The following MBNL2 variants were observed in gnomAD, a reference collection of about 807,000 sequenced individuals.
The protein encoded by MBNL2 is muscleblind-like protein 2.
MBNL2 carries 17 observed loss-of-function variants against 41.9 expected under a neutral mutation model. That is an observed-to-expected ratio of 0.41 (90% CI 0.28 to 0.61). The LOEUF is 0.61. Ranked by LOEUF, MBNL2 falls within the 20% of genes least tolerant of loss-of-function variation. The probability of loss-of-function intolerance (pLI) is 0.35; values close to 1 mark genes in which losing one functional copy is unlikely to be tolerated. For synonymous variants in MBNL2, 195 were observed against 182.9 expected, an observed-to-expected ratio of 1.07 and a Z score of -0.53; for missense variants, 336 against 505.6, an observed-to-expected ratio of 0.66 and a Z score of 3.22.
At chr13:97,379,495 T>C (rs1290051745) in intron 8 of MBNL2, among the ~76,000 whole-genome samples, 1 of 152,006 alleles carries the variant, frequency 6.6e-6, no homozygotes, top group African/African-American at 2.4e-5. Flanking sequence ...ACAACACTAG[T>C]TGAGGATGAA....
At chr13:97,296,661 T>A (rs561845767) in intron 2 of MBNL2, among the ~76,000 whole-genome samples, 1 of 152,282 alleles carries the variant, frequency 6.6e-6, no homozygotes, top group South Asian at 2.1e-4. Flanking sequence ...CCATTTAAAT[T>A]TGAGCTAGTT....
intron 3 of MBNL2, among the ~76,000 whole-genome samples, chr13:97,342,288 T>C (rs1390730702): frequency 1.3e-5 from 2 of 152,168 alleles, no homozygotes; most frequent in African/African-American, 4.8e-5. Flanking sequence ...TTAATAAGAT[T>C]CTGTATGCTC....
the MBNL2 span, among the ~76,000 whole-genome samples, chr13:97,160,067 C>A: frequency 2.0e-5 from 3 of 152,210 alleles, no homozygotes; most frequent in African/African-American, 4.8e-5. Flanking sequence ...TTCACATAGT[C>A]CCATATTTCT....
chr13:97,237,017 G>A (rs568588121), intron 1 of MBNL2, among the ~76,000 whole-genome samples: 15 of 152,236 alleles, frequency 9.9e-5, no homozygotes, highest in African/African-American at 3.1e-4. Context: ...CTTTTCTGGC[G>A]GTGTAGCCCT....
intron 1 of MBNL2, among the ~76,000 whole-genome samples, chr13:97,258,054 G>T (rs777080289): frequency 1.3e-5 from 2 of 152,306 alleles, no homozygotes; most frequent in South Asian, 4.1e-4. Flanking sequence ...AGCGCCCCCC[G>T]TCTGGGAGGA....
chr13:97,331,711 A>G (rs886272148), intron 2 of MBNL2, among the ~76,000 whole-genome samples: 12 of 152,208 alleles, frequency 7.9e-5, no homozygotes, highest in African/African-American at 2.9e-4. Context: ...TGTTATAAGG[A>G]GAAAATGAGA....
chr13:97,150,944 G>A, the MBNL2 span, among the ~76,000 whole-genome samples: 1 of 152,150 alleles, frequency 6.6e-6, no homozygotes, highest in African/African-American at 2.4e-5. Context: ...CTTTCAGTTA[G>A]ACTTTTGGAT....
chr13:97,294,047 T>C (rs2056632001), intron 2 of MBNL2, among the ~76,000 whole-genome samples: 1 of 152,152 alleles, frequency 6.6e-6, no homozygotes, highest in Non-Finnish European at 1.5e-5. Context: ...TTTCCTGATA[T>C]ATCTTGTTTC....
chr13:97,275,238 T>G (rs1314186850), intron 1 of MBNL2, among the ~76,000 whole-genome samples: 1 of 152,168 alleles, frequency 6.6e-6, no homozygotes, highest in Non-Finnish European at 1.5e-5. Context: ...CTTTATTACA[T>G]AGGAGGGACA....
chr13:97,144,956 C>T, the MBNL2 span, among the ~76,000 whole-genome samples: 1 of 152,184 alleles, frequency 6.6e-6, no homozygotes, highest in Non-Finnish European at 1.5e-5. Context: ...TATTTGAACC[C>T]TCTAAACTTA....
At chr13:97,301,815 G>GA in intron 2 of MBNL2, among the ~76,000 whole-genome samples, 1 of 152,320 alleles carries the variant, frequency 6.6e-6, no homozygotes. Context: ...TGCTGACCAA[G>GA]AGTCCTACAA....
chr13:97,202,371 G>A, the MBNL2 span, among the ~76,000 whole-genome samples: 1 of 152,292 alleles, frequency 6.6e-6, no homozygotes, highest in African/African-American at 2.4e-5. Context: ...TCTGGTGTCA[G>A]ATGGGCCAGA....
chr13:97,191,816 T>C, the MBNL2 span, among the ~76,000 whole-genome samples: 2 of 152,224 alleles, frequency 1.3e-5, no homozygotes, highest in African/African-American at 4.8e-5. Flanking sequence ...GGGAGCCCTC[T>C]GCAGCTGCTC....
In MBNL2 at chr13:97,346,150, G is replaced by A. The variant is rs1211269189; in HGVS notation, c.541-654G>A. On this transcript the variant is annotated intron_variant, in intron 4 of 8. Transcript: ENST00000679496. The surrounding 1 kb of genome is among the most constrained non-coding windows in gnomAD (Gnocchi z 4.2). ...GGCTGGATGGACGGATAGATAGATG[G>A]TAGGTAGGTAGATAGATGATAGATA... Among the ~76,000 whole-genome samples the A allele has an allele frequency of 1.3e-5, 2 of 152,074 alleles. No homozygotes were observed. Among genetic ancestry groups the A allele is most frequent in the African/African-American group, 2.4e-5 (1 of 41,380 alleles).
chr13:97,268,479 C>A lies in MBNL2; in HGVS notation c.-604-7153C>A, dbSNP rs9513222. Among the ~76,000 whole-genome samples the A allele has an allele frequency of 6.6e-6, 1 of 151,962 alleles. No homozygotes were observed. On this transcript the variant is annotated intron_variant, in intron 1 of 8. Coordinates refer to ENST00000679496, the MANE Select transcript of MBNL2 (RefSeq NM_001382683.1). The surrounding 1 kb of genome is among the most constrained non-coding windows in gnomAD (Gnocchi z 4.6). The stretch of plus-strand genomic sequence containing the variant: ...GCACAACACTTTAAAAACCGCTGGA[C>A]TAAAGATCTGGGCATTGAGGCTCAC...
At chr13:97,325,218 T>C (rs1169265727) in intron 2 of MBNL2, among the ~76,000 whole-genome samples, 2 of 152,216 alleles carry the variant, frequency 1.3e-5, no homozygotes, top group African/African-American at 4.8e-5. Flanking sequence ...CCTGGAAATT[T>C]GTTTCCCTGA....
At chr13:97,272,077 G>A (rs532310839) in intron 1 of MBNL2, among the ~76,000 whole-genome samples, 8 of 152,070 alleles carry the variant, frequency 5.3e-5, no homozygotes, top group South Asian at 2.1e-4. Flanking sequence ...CCACAGCCTC[G>A]CCAGCATCTA....
chr13:97,272,281 C>G (rs547911806), intron 1 of MBNL2, among the ~76,000 whole-genome samples: 2 of 152,080 alleles, frequency 1.3e-5, no homozygotes, highest in African/African-American at 4.8e-5. Context: ...ATGTTCATAT[C>G]AGTTTTTGAT....
chr13:97,159,379 G>A, the MBNL2 span, among the ~76,000 whole-genome samples: 2,925 of 151,840 alleles, frequency 0.019, 44 homozygotes, highest in Non-Finnish European at 0.031. Flanking sequence ...TTTAATTGGA[G>A]CATTTAGTCC....
Sources: gnomAD v4.1 joint callset for allele counts (sites outside exome capture counted in the v4.1 genomes callset) on GRCh38, gnomAD v4.1.1 for gene constraint, Gnocchi (gnomAD v3.1) non-coding constraint, MANE v1.5 for transcripts, NCBI Gene and HGNC (gene_info 2026-07-23, HGNC 2026-07-21) for gene names.